The following PXN variants were observed in gnomAD, a reference collection of about 807,000 sequenced individuals.
The protein encoded by PXN is testicular tissue protein Li 134.
In PXN, 61 loss-of-function variants were observed where a neutral mutation model predicts 103.6. That is an observed-to-expected ratio of 0.59 (90% confidence interval 0.48 to 0.73). PXN has a LOEUF of 0.73. Ranked by LOEUF, PXN falls within the 30% of genes least tolerant of loss-of-function variation. PXN has a pLI of 0.00. For synonymous variants in PXN, 562 were observed against 607.8 expected (o/e 0.92, Z 1.11); for missense variants, 1,274 against 1,460.3 (o/e 0.87, Z 2.08).
chr12:120,216,256 GC>G lies in PXN; in HGVS notation c.2301+16del. The stretch of plus-strand genomic sequence containing the variant: ...TAGGACAGGGGACAGAAAGGGAGGG[GC>G]TCCTTTAAGGCCTGCCTGCATCGGG... On this transcript the variant is annotated intron_variant, in intron 9 of 14. Coordinates refer to ENST00000637617, the MANE Select transcript of PXN (RefSeq NM_001385981.1). This position sits in a 1 kb window ranked among gnomAD's most constrained non-coding sequence, Gnocchi z 5.1. The G allele has an allele frequency of 7.8e-7, 1 of 1,274,924 alleles. No individual in the cohort carries two copies. The allele number at this position is 1,274,924 out of a possible 1,614,324, so 79.0% of individuals were successfully genotyped here.
intron 1 of PXN, among the ~76,000 whole-genome samples, chr12:120,233,844 C>G (rs76382809): frequency 6.6e-6 from 1 of 152,124 alleles, no homozygotes; most frequent in Admixed American, 6.6e-5. Context: ...TTTTTGCCAG[C>G]GTGCCTTTCT....
chr12:120,244,387 C>T (rs190495643), intron 1 of PXN, among the ~76,000 whole-genome samples: 3,808 of 151,936 alleles, frequency 0.025, 60 homozygotes, highest in Non-Finnish European at 0.039. Flanking sequence ...TGGCTCACGC[C>T]TGTAATCCCA....
At chr12:120,245,509 C>T (rs943874262) in intron 1 of PXN, among the ~76,000 whole-genome samples, 2 of 151,856 alleles carry the variant, frequency 1.3e-5, no homozygotes, top group Admixed American at 6.5e-5. Context: ...AGAATGCGGC[C>T]GGGCACAGTG....
chr12:120,245,717 G>A (rs1270069967), intron 1 of PXN, among the ~76,000 whole-genome samples: 2 of 151,066 alleles, frequency 1.3e-5, no homozygotes, highest in African/African-American at 4.9e-5. Flanking sequence ...GAACCCAGGA[G>A]GCGGAGCTTT....
intron 1 of PXN, among the ~76,000 whole-genome samples, chr12:120,253,818 C>A (rs1166608733): frequency 6.6e-6 from 1 of 152,170 alleles, no homozygotes. Flanking sequence ...ATAAGCCAGA[C>A]ACAACAAGAA....
In PXN at chr12:120,212,467, G is replaced by A; in HGVS notation, c.3093C>T (p.Pro1031=). The A allele has an allele frequency of 6.2e-7, 1 of 1,613,998 alleles. No homozygotes were observed. Among genetic ancestry groups the A allele is most frequent in the Non-Finnish European group, 8.5e-7 (1 of 1,179,900 alleles). The change falls in exon 15 of 15, where the codon CCC becomes CCT. Residue 1031 remains proline (P), a synonymous_variant. Transcript: ENST00000637617. The surrounding 1 kb of genome is among the most constrained non-coding windows in gnomAD (Gnocchi z 7.2). ...RGSLCSGCQK[P]ITGRCITAMA... is the part of the protein sequence containing the mutation. The stretch of plus-strand genomic sequence containing the variant: ...TGGCGGTGATGCAGCGGCCGGTGAT[G>A]GGCTTCTGGCAGCCAGAACACAGCG...
chr12:120,216,951 C>T lies in PXN; in HGVS notation c.1882G>A (p.Glu628Lys), dbSNP rs539166389. The change falls in exon 8 of 15, where the codon GAG (glutamate) becomes AAG (lysine). Residue 628 changes from glutamate (E) to lysine (K), a missense_variant. Transcript: ENST00000637617. The surrounding 1 kb of genome is among the most constrained non-coding windows in gnomAD (Gnocchi z 5.1). ...QGRLGIQPEA[E>K]EPAEAAGPSA... ...GGCCCCGCCGCCTCCGCCGGCTCCT[C>T]TGCCTCAGGCTGGATGCCCAGCCGC... The T allele has an allele frequency of 2.4e-4, 364 of 1,534,386 alleles. 3 individuals are homozygous for T. The South Asian group carries it at 4.0e-3, about 17-fold the overall frequency.
Position 120,219,607 on chromosome 12 carries a change from C to T in PXN, c.1316G>A (p.Trp439Ter). ...EALAATWEQP[W>*]ASEVFGPERM... ...CTCAGGCCCGAATACCTCCGAAGCC[C>T]ATGGCTGCTCCCATGTGGCAGCCAA... Residue 439 changes from tryptophan (W) to a stop codon, truncating the protein, a stop_gained, in exon 7 of 15, where the codon TGG (tryptophan) becomes TAG (stop). Coordinates refer to ENST00000637617, the MANE Select transcript of PXN (RefSeq NM_001385981.1). LOFTEE classifies it high-confidence loss of function. The surrounding 1 kb of genome is among the most constrained non-coding windows in gnomAD (Gnocchi z 6.5). 2.6e-6 allele frequency: 4 copies of T among 1,565,844 alleles called. No homozygotes were observed. The highest frequency in any genetic ancestry group is 3.4e-6 in the Non-Finnish European group (4 of 1,163,484).
intron 1 of PXN, among the ~76,000 whole-genome samples, chr12:120,240,774 C>G (rs1350678404): frequency 6.6e-6 from 1 of 152,162 alleles, no homozygotes; most frequent in Non-Finnish European, 1.5e-5. Context: ...CTAACTCTGC[C>G]AGAGCATTCG....
Position 120,215,882 on chromosome 12 carries a change from A to C in PXN, c.2302-221T>G. ...ACAGGGAGGGGAGTCGACCAAAGGC[A>C]GAGGAAATGGCAAGGGGAGGTGGCC... On this transcript the variant is annotated intron_variant, in intron 9 of 14. Coordinates refer to ENST00000637617, the MANE Select transcript of PXN (RefSeq NM_001385981.1). The surrounding 1 kb of genome is among the most constrained non-coding windows in gnomAD (Gnocchi z 4.9). The C allele has an allele frequency of 2.9e-6, 4 of 1,356,642 alleles. No homozygotes were observed. 84.0% of individuals were successfully genotyped at this position (1,356,642 alleles called of 1,614,324 possible). A position where few individuals can be genotyped will look rare whatever the true frequency, so the allele number is the denominator to read the frequency against.
chr12:120,249,772 A>G (rs1195317225), intron 1 of PXN: 1 of 835,438 alleles, frequency 1.2e-6, no homozygotes, highest in East Asian at 1.2e-4. Flanking sequence ...TTCCAAAGAG[A>G]GAGAAGGGGG....
chr12:120,219,362 T>C lies in PXN; in HGVS notation c.1561A>G (p.Ser521Gly). ...GGTCCCTGGGTTGGCCTGGCCACAC[T>C]TCCCCTCTCGGTCATCTTTGCACCT... ...QLGAKMTERG[S>G]VARPTQGPET... is the part of the protein sequence containing the mutation. The change falls in exon 7 of 15, where the codon AGT (serine) becomes GGT (glycine). Residue 521 changes from serine to glycine, a missense_variant. By Grantham distance (56) the Ser-to-Gly change is moderately conservative. Transcript: ENST00000637617. This position sits in a 1 kb window ranked among gnomAD's most constrained non-coding sequence, Gnocchi z 6.5. The C allele has an allele frequency of 6.3e-7, 1 of 1,598,420 alleles. No individual in the cohort carries two copies. Among genetic ancestry groups the C allele is most frequent in the Non-Finnish European group, 8.5e-7 (1 of 1,179,796 alleles).
At chr12:120,244,695 C>T (rs1004889253) in intron 1 of PXN, among the ~76,000 whole-genome samples, 4 of 149,160 alleles carry the variant, frequency 2.7e-5, no homozygotes, top group African/African-American at 5.0e-5. Context: ...CAGTGGCAGA[C>T]GCTTGTAATC....
At chr12:120,245,787 C>CAAAAA (rs1267541953) in intron 1 of PXN, among the ~76,000 whole-genome samples, 2 of 45,130 alleles carry the variant, frequency 4.4e-5, no homozygotes, top group African/African-American at 8.4e-5. Context: ...GACTCCATCT[C>CAAAAA]AAAAAAAAAA....
chr12:120,230,373 G>C (rs1887758401), intron 1 of PXN, among the ~76,000 whole-genome samples: 1 of 152,202 alleles, frequency 6.6e-6, no homozygotes, highest in Admixed American at 6.5e-5. Flanking sequence ...GTTGGGTCCA[G>C]AACTCTGGAC....
intron 1 of PXN, among the ~76,000 whole-genome samples, chr12:120,242,874 C>T (rs183979349): frequency 1.1e-4 from 16 of 143,376 alleles, no homozygotes; most frequent in East Asian, 1.0e-3. Flanking sequence ...GAGCGAGACT[C>T]GGGCTTTAAA....
intron 1 of PXN, among the ~76,000 whole-genome samples, chr12:120,243,936 G>C (rs1010393388): frequency 6.6e-6 from 1 of 151,876 alleles, no homozygotes; most frequent in Non-Finnish European, 1.5e-5. Flanking sequence ...CTGAGCATTG[G>C]GCAGAGCCTA....
chr12:120,220,980 A>G lies in PXN; in HGVS notation c.831+643T>C, dbSNP rs140734071. ...AAACACTGAATCCTCTAAATTAAAC[A>G]TCTCAGGCCTGGCAGGACTGGGGAG... On this transcript the variant is annotated intron_variant, in intron 6 of 14. Coordinates refer to ENST00000637617, the MANE Select transcript of PXN (RefSeq NM_001385981.1). The surrounding 1 kb of genome is among the most constrained non-coding windows in gnomAD (Gnocchi z 6.1). Among the ~76,000 whole-genome samples, 719 of 152,176 alleles carry G rather than the reference A, an allele frequency of 4.7e-3. 7 individuals carry two copies. Among genetic ancestry groups the G allele is most frequent in the African/African-American group, 0.016 (662 of 41,520 alleles).
intron 1 of PXN, among the ~76,000 whole-genome samples, chr12:120,245,891 T>A (rs1891023973): frequency 6.8e-6 from 1 of 148,124 alleles, no homozygotes. Context: ...TATGTAGAAA[T>A]AACAAAAAAC....
Sources: gnomAD v4.1 joint callset for allele counts (sites outside exome capture counted in the v4.1 genomes callset) on GRCh38, gnomAD v4.1.1 for gene constraint, Gnocchi (gnomAD v3.1) non-coding constraint, MANE v1.5 for transcripts, NCBI Gene and HGNC (gene_info 2026-07-23, HGNC 2026-07-21) for gene names.